PCSK5: variants seen among roughly 807,000 people sequenced by gnomAD.
The protein encoded by PCSK5 is prohormone convertase 5.
Under a neutral mutation model 233.2 loss-of-function variants are expected in PCSK5, and 129 were observed. That is an observed-to-expected ratio of 0.55 (90% CI 0.48 to 0.64). The LOEUF is 0.64. Ranked by LOEUF, PCSK5 falls within the 30% of genes least tolerant of loss-of-function variation. The probability of loss-of-function intolerance (pLI) is 0.00; values close to 1 mark genes in which losing one functional copy is unlikely to be tolerated. For synonymous variants in PCSK5, 825 were observed against 879.2 expected (o/e 0.94, Z 1.09); for missense variants, 2,076 against 2,430.1 (o/e 0.85, Z 3.06).
intron 24 of PCSK5, among the ~76,000 whole-genome samples, chr9:76,248,458 T>C (rs1013689811): frequency 2.0e-5 from 3 of 152,154 alleles, no homozygotes; most frequent in African/African-American, 7.2e-5. Context: ...GGAAAGCTCT[T>C]TTTTACAGAA....
intron 20 of PCSK5, among the ~76,000 whole-genome samples, chr9:76,200,886 C>T (rs1359259163): frequency 1.3e-5 from 2 of 152,200 alleles, no homozygotes; most frequent in African/African-American, 4.8e-5. Context: ...GTCATCAACC[C>T]TCTTTTCAGA....
intron 2 of PCSK5, among the ~76,000 whole-genome samples, chr9:75,983,992 C>T (rs1014796671): frequency 6.6e-6 from 1 of 152,084 alleles, no homozygotes; most frequent in Non-Finnish European, 1.5e-5. Flanking sequence ...TAAAAAAAAC[C>T]CACTGAACTT....
chr9:76,090,880 C>T (rs1831258506), intron 7 of PCSK5, among the ~76,000 whole-genome samples: 1 of 152,114 alleles, frequency 6.6e-6, no homozygotes, highest in Non-Finnish European at 1.5e-5. Flanking sequence ...ATGGTCCCAT[C>T]TGGGGGTGAT....
intron 3 of PCSK5, among the ~76,000 whole-genome samples, chr9:75,989,759 C>T (rs1166115672): frequency 6.6e-6 from 1 of 152,070 alleles, no homozygotes; most frequent in Non-Finnish European, 1.5e-5. Flanking sequence ...TCCAAGAGAT[C>T]GTGTTGGAAG....
At chr9:75,950,721 G>A (rs1325639629) in intron 2 of PCSK5, among the ~76,000 whole-genome samples, 2 of 152,162 alleles carry the variant, frequency 1.3e-5, no homozygotes, top group African/African-American at 4.8e-5. Context: ...ACAGGTACCA[G>A]CCACTGCAAA....
At chr9:76,311,841 C>T (rs1828873207) in intron 30 of PCSK5, among the ~76,000 whole-genome samples, 1 of 152,186 alleles carries the variant, frequency 6.6e-6, no homozygotes, top group Non-Finnish European at 1.5e-5. Context: ...GCTGCTGAGC[C>T]CACATTACGT....
intron 3 of PCSK5, among the ~76,000 whole-genome samples, chr9:76,001,334 T>C (rs1189419733): frequency 1.3e-5 from 2 of 152,088 alleles, no homozygotes; most frequent in African/African-American, 4.8e-5. Flanking sequence ...AATTGAAATA[T>C]TTCTCTCTCT....
chr9:76,031,614 A>G (rs983121868), intron 5 of PCSK5, among the ~76,000 whole-genome samples: 2 of 152,146 alleles, frequency 1.3e-5, no homozygotes, highest in African/African-American at 2.4e-5. Flanking sequence ...GCTTTAGCCT[A>G]GGAGGTCAAG....
At chr9:76,272,511 A>G (rs1827547178) in intron 24 of PCSK5, among the ~76,000 whole-genome samples, 1 of 152,118 alleles carries the variant, frequency 6.6e-6, no homozygotes, top group Admixed American at 6.6e-5. Context: ...GCAGTGGCTC[A>G]TGCCTGTAAT....
At chr9:76,311,484 A>G (rs1222546270) in intron 30 of PCSK5, among the ~76,000 whole-genome samples, 1 of 152,136 alleles carries the variant, frequency 6.6e-6, no homozygotes, top group Non-Finnish European at 1.5e-5. Context: ...GGCATGAATT[A>G]TAGATAATAA....
At chr9:76,325,602 G>A (rs12376545) in intron 32 of PCSK5, among the ~76,000 whole-genome samples, 10,851 of 152,174 alleles carry the variant, frequency 0.071, 459 homozygotes, top group African/African-American at 0.092. Flanking sequence ...GACAGAGTTG[G>A]AAACTCACTT....
chr9:76,125,136 G>C (rs529520038), intron 9 of PCSK5, among the ~76,000 whole-genome samples: 1 of 151,684 alleles, frequency 6.6e-6, no homozygotes, highest in Non-Finnish European at 1.5e-5. Flanking sequence ...AAAAAAACTG[G>C]CTACAGAAAG....
At chr9:76,006,130 A>G (rs1016523687) in intron 3 of PCSK5, among the ~76,000 whole-genome samples, 1 of 151,156 alleles carries the variant, frequency 6.6e-6, no homozygotes, top group Non-Finnish European at 1.5e-5. Context: ...GTTTTATCTG[A>G]TATCAGAATC....
intron 9 of PCSK5, among the ~76,000 whole-genome samples, chr9:76,117,583 G>C (rs183528947): frequency 1.7e-4 from 26 of 152,184 alleles, no homozygotes; most frequent in African/African-American, 6.3e-4. Context: ...GTCTAATAGA[G>C]CTTGCAATCA....
At chr9:76,169,228 G>C (rs980128180) in intron 12 of PCSK5, among the ~76,000 whole-genome samples, 1 of 152,160 alleles carries the variant, frequency 6.6e-6, no homozygotes, top group African/African-American at 2.4e-5. Flanking sequence ...GAAGTTTTTC[G>C]TGTGAACATA....
intron 34 of PCSK5, among the ~76,000 whole-genome samples, chr9:76,334,742 C>G (rs540236955): frequency 1.3e-5 from 2 of 151,710 alleles, no homozygotes; most frequent in African/African-American, 4.8e-5. Context: ...AGAAAAACAC[C>G]AGTCATATAG....
intron 34 of PCSK5, among the ~76,000 whole-genome samples, chr9:76,335,802 G>C (rs138913464): frequency 1.3e-5 from 2 of 152,294 alleles, no homozygotes; most frequent in African/African-American, 2.4e-5. Flanking sequence ...GAGTTACAAA[G>C]TATTTCCACT....
intron 1 of PCSK5, among the ~76,000 whole-genome samples, chr9:75,893,752 T>G (rs1398531009): frequency 6.6e-6 from 1 of 152,188 alleles, no homozygotes; most frequent in Non-Finnish European, 1.5e-5. Context: ...ACACCAAGGA[T>G]GATTTATTGT....
intron 6 of PCSK5, among the ~76,000 whole-genome samples, chr9:76,070,823 CTT>C (rs1294315568): frequency 2.6e-5 from 4 of 152,174 alleles, no homozygotes; most frequent in Admixed American, 1.3e-4. Flanking sequence ...CCAATAAAAA[CTT>C]AAAATCCTAC....
Sources: allele counts gnomAD v4.1 joint callset (sites outside exome capture counted in the v4.1 genomes callset), GRCh38; gene constraint gnomAD v4.1.1; transcripts MANE v1.5; gene names NCBI Gene and HGNC (gene_info 2026-07-23, HGNC 2026-07-21).